The following ZNF185 variants were observed in gnomAD, a reference collection of about 807,000 sequenced individuals.
The protein encoded by ZNF185 is zinc finger protein 185.
A neutral mutation model predicts 58.6 loss-of-function variants in ZNF185; 56 were observed. The observed-to-expected ratio is 0.95, with a 90% CI of 0.77 to 1.19. The LOEUF is 1.19. ZNF185 is among the 50% of genes most tolerant of loss of function. ZNF185 has a pLI of 0.00. For synonymous variants in ZNF185, 230 were observed against 215.9 expected (o/e 1.07, Z -0.57); for missense variants, 627 against 573.5 (o/e 1.09, Z -0.95).
chrX:152,945,515 G>C, intron 16 of ZNF185, 51 bp downstream of exon 18: 1 of 1,135,514 alleles, frequency 8.8e-7, no homozygotes, highest in Non-Finnish European at 1.2e-6. Flanking sequence ...TGTTTTTGTT[G>C]AGGTCTGCGA....
intron 11 of ZNF185, among the ~76,000 whole-genome samples, chrX:152,923,484 C>T: frequency 8.9e-6 from 1 of 112,330 alleles, no homozygotes; most frequent in Non-Finnish European, 1.9e-5. Flanking sequence ...CTGACTCTCC[C>T]CATAAGAACT....
At chrX:152,914,325 T>C (rs782707631), upstream of ZNF185, 69 of 474,379 alleles carry the variant, frequency 1.5e-4, no homozygotes, top group Admixed American at 5.5e-4. Flanking sequence ...CCACCAACGC[T>C]TGCCACCCCC....
At chrX:152,945,209 G>C (rs2047663126) in intron 15 of ZNF185, 58 bp from the exon 18 acceptor site, 3 of 1,133,424 alleles carry the variant, frequency 2.6e-6, no homozygotes, top group Non-Finnish European at 2.4e-6. Context: ...GCGTCCTGGG[G>C]CTGAGGCAGG....
intron 20 of ZNF185, 104 bp from the exon 23 acceptor site, chrX:152,969,278 C>G (rs5925266): frequency 1.6e-6 from 1 of 639,457 alleles, no homozygotes; most frequent in Non-Finnish European, 2.4e-6. Context: ...GGGATCCTGA[C>G]AGCAAACCTG....
chrX:152,946,988 A>G (rs1556895740), intron 16 of ZNF185, among the ~76,000 whole-genome samples: 1 of 112,026 alleles, frequency 8.9e-6, no homozygotes, highest in East Asian at 2.8e-4. Context: ...GGACCAGGCC[A>G]GGGGAGTATA....
intron 15 of ZNF185, among the ~76,000 whole-genome samples, chrX:152,940,368 G>A (rs1339780555): frequency 1.0e-5 from 1 of 95,513 alleles, no homozygotes; most frequent in East Asian, 3.5e-4. Flanking sequence ...GAAAGGCCTA[G>A]GTATACATTA....
chrX:152,967,062 C>T (rs782660656), intron 19 of ZNF185, 105 bp from the exon 22 acceptor site: 9 of 773,472 alleles, frequency 1.2e-5, no homozygotes, highest in Non-Finnish European at 1.1e-5. Flanking sequence ...CGACTGGCAT[C>T]GTAGTTATGT....
the ZNF185 span, among the ~76,000 whole-genome samples, chrX:152,900,021 A>G: frequency 1.8e-5 from 2 of 111,338 alleles, no homozygotes; most frequent in Non-Finnish European, 3.8e-5. Context: ...GTGCTTGTCC[A>G]CCTCACTTCC....
Position 152,943,758 on chromosome X carries a change from A to G in ZNF185, c.1212-1509A>G, listed in dbSNP as rs2047498504. Reference sequence around the variant, plus strand: ...CTCTATCCACAGACTTGGTGAGGGCAACCTCTACTAGTGTATTTCTACAGA... The same window carrying G: ...CTCTATCCACAGACTTGGTGAGGGCGACCTCTACTAGTGTATTTCTACAGA... On this transcript the variant is annotated intron_variant, in intron 15 of 22. Coordinates refer to ENST00000449285, the Ensembl canonical transcript of ZNF185. Among the ~76,000 whole-genome samples, 4 of 112,979 alleles carry G rather than the reference A, an allele frequency of 3.5e-5. No individual in the cohort carries two copies. The Admixed American group carries it at 3.7e-4, about 11-fold the overall frequency.
chrX:152,927,356 C>T (rs1428343248), intron 11 of ZNF185, among the ~76,000 whole-genome samples: 1 of 111,459 alleles, frequency 9.0e-6, no homozygotes, highest in Non-Finnish European at 1.9e-5. Flanking sequence ...TCACTTTGAG[C>T]ACTCCAGGCC....
intron 16 of ZNF185, among the ~76,000 whole-genome samples, chrX:152,946,228 G>A (rs1194073217): frequency 8.9e-6 from 1 of 112,208 alleles, no homozygotes; most frequent in African/African-American, 3.2e-5. Flanking sequence ...ATATTGCCCC[G>A]AGAGAGGAGC....
the ZNF185 span, among the ~76,000 whole-genome samples, chrX:152,902,864 T>C: frequency 9.0e-6 from 1 of 111,280 alleles, no homozygotes; most frequent in Admixed American, 9.5e-5. Context: ...AGAAGGAGGA[T>C]AGGGAGTCAG....
At chrX:152,941,731 G>A in intron 15 of ZNF185, 2 of 1,164,600 alleles carry the variant, frequency 1.7e-6, no homozygotes, top group Non-Finnish European at 2.3e-6. Context: ...GACGAGCTCG[G>A]CCTCGGCGGG....
chrX:152,909,598 G>A (rs1038372729), upstream of ZNF185, among the ~76,000 whole-genome samples: 1 of 112,451 alleles, frequency 8.9e-6, no homozygotes, highest in Non-Finnish European at 1.9e-5. Flanking sequence ...GGGTGCCACC[G>A]CCACTGCCAC....
intron 17 of ZNF185, among the ~76,000 whole-genome samples, chrX:152,963,465 G>A (rs1007946013): frequency 5.3e-5 from 6 of 112,193 alleles, no homozygotes; most frequent in East Asian, 2.8e-4. Context: ...GTAAGGGACC[G>A]TCCCATCCAG....
At chrX:152,945,558 C>T (rs1481733569) in intron 16 of ZNF185, 94 bp downstream of exon 18, 7 of 970,271 alleles carry the variant, frequency 7.2e-6, no homozygotes, top group Middle Eastern at 2.8e-4. Flanking sequence ...ACACCCTGTG[C>T]CAATACCCGA....
At chrX:152,952,323 T>C (rs2048372166) in intron 16 of ZNF185, among the ~76,000 whole-genome samples, 1 of 112,624 alleles carries the variant, frequency 8.9e-6, no homozygotes, top group Non-Finnish European at 1.9e-5. Context: ...TTTTTGTTGT[T>C]TACACTGAAA....
chrX:152,934,822 T>C (rs1556880232), intron 14 of ZNF185, among the ~76,000 whole-genome samples: 1 of 111,407 alleles, frequency 9.0e-6, no homozygotes, highest in Non-Finnish European at 1.9e-5. Flanking sequence ...CATCCTCTCC[T>C]CTCCTCTCCT....
At chrX:152,920,494 T>C (rs1939478160) in intron 8 of ZNF185, 83 bp downstream of exon 9, 1 of 1,046,890 alleles carries the variant, frequency 9.6e-7, no homozygotes, top group Non-Finnish European at 1.3e-6. Context: ...GATGAAAGGG[T>C]GGGTGGAGAG....
Sources: allele counts gnomAD v4.1 joint callset (sites outside exome capture counted in the v4.1 genomes callset), GRCh38; gene constraint gnomAD v4.1.1; transcripts MANE v1.5; gene names NCBI Gene and HGNC (gene_info 2026-07-23, HGNC 2026-07-21).